TBC1D1: variants seen among roughly 807,000 people sequenced by gnomAD.
TBC1D1 encodes TBC1 (tre-2/USP6, BUB2, cdc16) domain family, member 1.
A neutral mutation model predicts 125.6 loss-of-function variants in TBC1D1; 89 were observed. The ratio of observed to expected loss-of-function variants is 0.71; its 90% confidence interval spans 0.60 to 0.85. The LOEUF is 0.85. TBC1D1 is among the 40% of genes least tolerant of loss of function. The pLI is 0.00. For synonymous variants in TBC1D1, 565 were observed against 564.1 expected (o/e 1.00, Z -0.02); for missense variants, 1,377 against 1,469.2 (o/e 0.94, Z 1.03).
intron 2 of TBC1D1, among the ~76,000 whole-genome samples, chr4:37,962,614 A>G (rs1256790916): frequency 6.6e-6 from 1 of 152,262 alleles, no homozygotes; most frequent in Non-Finnish European, 1.5e-5. Flanking sequence ...AATATTTGTT[A>G]GATGGATGAA....
chr4:37,891,535 A>G (rs1159168128), intron 1 of TBC1D1, among the ~76,000 whole-genome samples, 187 bp downstream of exon 1: 2 of 19,954 alleles, frequency 1.0e-4, no homozygotes, highest in African/African-American at 1.9e-4. Context: ...TGCCCCCCTT[A>G]CCCCCCCACC....
At chr4:37,940,794 G>A (rs1412611092) in intron 2 of TBC1D1, among the ~76,000 whole-genome samples, 1 of 152,134 alleles carries the variant, frequency 6.6e-6, no homozygotes. Flanking sequence ...TGTGGTTTTT[G>A]TCTTTGGTTC....
chr4:38,065,708 C>T (rs1001255463), intron 12 of TBC1D1, among the ~76,000 whole-genome samples: 9 of 145,558 alleles, frequency 6.2e-5, no homozygotes, highest in African/African-American at 1.0e-4. Context: ...TGCAGTGGCA[C>T]GATCTTGGCT....
Position 38,014,328 on chromosome 4 carries a change from T to C in TBC1D1, c.418-181T>C, listed in dbSNP as rs1309419156. Among the ~76,000 whole-genome samples, 4 of 152,146 alleles carry C rather than the reference T, an allele frequency of 2.6e-5. No homozygotes were observed. The highest frequency in any genetic ancestry group is 2.6e-4 in the Admixed American group (4 of 15,284). On this transcript the variant is annotated intron_variant, in intron 2 of 19. Transcript: ENST00000261439. The surrounding 1 kb of genome is among the most constrained non-coding windows in gnomAD (Gnocchi z 5.1). The stretch of plus-strand genomic sequence containing the variant: ...TTCTCTTTTCTGTGGAAGCTGTGTG[T>C]TCACCTCCCATGGGAAGACATTCCT...
intron 12 of TBC1D1, 139 bp from the exon 15 acceptor site, chr4:38,089,793 A>G: frequency 1.1e-6 from 1 of 902,292 alleles, no homozygotes. Context: ...ATGCCAATGC[A>G]TATTAACACA....
chr4:38,064,284 G>A (rs79363170), intron 12 of TBC1D1, among the ~76,000 whole-genome samples: 6,677 of 152,258 alleles, frequency 0.044, 412 homozygotes, highest in African/African-American at 0.14. Flanking sequence ...GGATAATACC[G>A]CTGTGAACAT....
chr4:37,894,030 C>G (rs1277994829), intron 1 of TBC1D1, among the ~76,000 whole-genome samples: 1 of 151,154 alleles, frequency 6.6e-6, no homozygotes, highest in Non-Finnish European at 1.5e-5. Flanking sequence ...GCTGTGTCAC[C>G]CAGGCTGGAG....
At chr4:38,078,461 C>G (rs1451221065) in intron 12 of TBC1D1, among the ~76,000 whole-genome samples, 1 of 152,118 alleles carries the variant, frequency 6.6e-6, no homozygotes, top group Non-Finnish European at 1.5e-5. Context: ...TTGTGTCCCC[C>G]CAAAATTCCT....
At chr4:38,126,871 C>T (rs1764738833) in intron 18 of TBC1D1, among the ~76,000 whole-genome samples, 1 of 152,210 alleles carries the variant, frequency 6.6e-6, no homozygotes, top group Non-Finnish European at 1.5e-5. Context: ...AGCTCTCCTA[C>T]ACTGCCAAGA....
At chr4:38,089,263 A>C (rs1758034903) in intron 12 of TBC1D1, among the ~76,000 whole-genome samples, 1 of 152,206 alleles carries the variant, frequency 6.6e-6, no homozygotes, top group Admixed American at 6.5e-5. Flanking sequence ...TCAGGATTAA[A>C]TGAGTCTACC....
chr4:37,957,451 T>C (rs1729151126), intron 2 of TBC1D1, among the ~76,000 whole-genome samples: 2 of 152,028 alleles, frequency 1.3e-5, no homozygotes, highest in South Asian at 4.1e-4. Context: ...AGGACCCCTC[T>C]CTACAAAACA....
chr4:38,087,132 A>G (rs778918624), intron 12 of TBC1D1, among the ~76,000 whole-genome samples: 2 of 152,252 alleles, frequency 1.3e-5, no homozygotes, highest in Non-Finnish European at 2.9e-5. Flanking sequence ...AAGCTCAACA[A>G]ACTGTCACTA....
At chr4:37,978,337 C>CT (rs1323707332) in intron 2 of TBC1D1, among the ~76,000 whole-genome samples, 1 of 152,222 alleles carries the variant, frequency 6.6e-6, no homozygotes, top group South Asian at 2.1e-4. Context: ...GTTAGGGCAT[C>CT]TTGCTGTCAC....
At chr4:37,921,230 C>T (rs764737060) in intron 2 of TBC1D1, among the ~76,000 whole-genome samples, 120 of 150,626 alleles carry the variant, frequency 8.0e-4, no homozygotes, top group Middle Eastern at 3.5e-3. Flanking sequence ...TGCGGGTGGT[C>T]ACTGATGACC....
At chr4:38,069,351 C>T (rs1289509416) in intron 12 of TBC1D1, among the ~76,000 whole-genome samples, 1 of 152,202 alleles carries the variant, frequency 6.6e-6, no homozygotes. Context: ...TTCTTAGCCC[C>T]CTACCTGTAG....
intron 11 of TBC1D1, 145 bp from the exon 12 acceptor site, chr4:38,051,754 A>C: frequency 1.4e-6 from 1 of 713,228 alleles, no homozygotes; most frequent in Non-Finnish European, 2.3e-6. Flanking sequence ...GATGAGGAAA[A>C]GGAGTGGAAG....
At chr4:38,035,782 T>C (rs1747094974) in intron 8 of TBC1D1, 84 bp downstream of exon 8, 1 of 985,208 alleles carries the variant, frequency 1.0e-6, no homozygotes, top group Non-Finnish European at 1.6e-6. Flanking sequence ...TTTCTGAAAC[T>C]CTGATACCTT....
At chr4:37,930,895 A>C (rs1047537237) in intron 2 of TBC1D1, among the ~76,000 whole-genome samples, 2 of 152,190 alleles carry the variant, frequency 1.3e-5, no homozygotes, top group Non-Finnish European at 2.9e-5. Context: ...AAAGATAAAA[A>C]CTGTGAGAAA....
At chr4:38,017,947 T>A (rs1416534649) in intron 3 of TBC1D1, among the ~76,000 whole-genome samples, 1 of 152,264 alleles carries the variant, frequency 6.6e-6, no homozygotes, top group African/African-American at 2.4e-5. Flanking sequence ...ACATGTAATA[T>A]GTACTAAACA....
Sources: gnomAD v4.1 joint callset for allele counts (sites outside exome capture counted in the v4.1 genomes callset) on GRCh38, gnomAD v4.1.1 for gene constraint, Gnocchi (gnomAD v3.1) non-coding constraint, MANE v1.5 for transcripts, NCBI Gene and HGNC (gene_info 2026-07-23, HGNC 2026-07-21) for gene names.